The following KCNIP4 variants were observed in gnomAD, a reference collection of about 807,000 sequenced individuals.
KCNIP4 encodes the protein Kv channel-interacting protein 4.
Under a neutral mutation model 34.0 loss-of-function variants are expected in KCNIP4, and 12 were observed. The ratio of observed to expected loss-of-function variants is 0.35; its 90% CI spans 0.23 to 0.57. The LOEUF is 0.57. Among genes scored for constraint, KCNIP4 ranks in the 20% least tolerant of loss-of-function variants. The probability of loss-of-function intolerance (pLI) is 0.83; values close to 1 mark genes in which losing one functional copy is unlikely to be tolerated. For missense variants in KCNIP4, 238 were observed against 311.7 expected (o/e 0.76, Z 1.78); for synonymous variants, 124 against 102.2 (o/e 1.21, Z -1.29).
chr4:21,817,350 G>A (rs1026085855), intron 1 of KCNIP4, among the ~76,000 whole-genome samples: 2 of 152,102 alleles, frequency 1.3e-5, no homozygotes, highest in Non-Finnish European at 1.5e-5. Flanking sequence ...GAGGATATAC[G>A]TCATCTCAGG....
chr4:20,843,154 C>A (rs1244138212), intron 3 of KCNIP4, among the ~76,000 whole-genome samples: 1 of 152,004 alleles, frequency 6.6e-6, no homozygotes, highest in Non-Finnish European at 1.5e-5. Flanking sequence ...GTGATCCAGC[C>A]GCCTAGGCTT....
At chr4:21,713,260 G>A (rs1713884394) in intron 1 of KCNIP4, among the ~76,000 whole-genome samples, 1 of 152,158 alleles carries the variant, frequency 6.6e-6, no homozygotes, top group African/African-American at 2.4e-5. Flanking sequence ...TGTTACTGCT[G>A]CTGTTTCTAC....
chr4:21,575,243 C>T (rs571856251), intron 1 of KCNIP4, among the ~76,000 whole-genome samples: 1 of 152,214 alleles, frequency 6.6e-6, no homozygotes, highest in East Asian at 1.9e-4. Flanking sequence ...GAAGTAAGTA[C>T]ATCAGAGGCT....
intron 1 of KCNIP4, among the ~76,000 whole-genome samples, chr4:20,885,942 G>A (rs1725257149): frequency 6.6e-6 from 1 of 151,948 alleles, no homozygotes; most frequent in Non-Finnish European, 1.5e-5. Flanking sequence ...ATAACTTTTT[G>A]AGGAAAACCT....
At chr4:20,740,433 T>C (rs897252846) in intron 5 of KCNIP4, among the ~76,000 whole-genome samples, 1 of 151,136 alleles carries the variant, frequency 6.6e-6, no homozygotes, top group Non-Finnish European at 1.5e-5. Flanking sequence ...TTCAACACTC[T>C]TACAGAATTT....
At chr4:21,757,183 G>A (rs1168353021) in intron 1 of KCNIP4, among the ~76,000 whole-genome samples, 9 of 29,726 alleles carry the variant, frequency 3.0e-4, no homozygotes, top group African/African-American at 7.7e-4. Flanking sequence ...AGGAAGGAAG[G>A]AAGGAAGGAA....
chr4:21,102,504 T>G (rs918904424), intron 1 of KCNIP4, among the ~76,000 whole-genome samples: 1 of 152,160 alleles, frequency 6.6e-6, no homozygotes, highest in Non-Finnish European at 1.5e-5. Flanking sequence ...TAGAACCATC[T>G]GGAATGCATC....
rs535371386 is a variant in KCNIP4, at chr4:20,910,124, C to T, written c.62-27415G>A. Among the ~76,000 whole-genome samples the T allele has an allele frequency of 3.2e-4, 48 of 152,128 alleles. 1 individual carries two copies. In the South Asian group the frequency reaches 8.7e-3, roughly 28 times the overall value. ...ATCCAGACCTGATGCGTATCTTTTTCGAATGTTTTGCTATAATAATGATTT... is the reference window on the plus strand; with the variant it reads ...ATCCAGACCTGATGCGTATCTTTTTTGAATGTTTTGCTATAATAATGATTT... On this transcript the variant is annotated intron_variant, in intron 1 of 8. Coordinates refer to ENST00000382152, the MANE Select transcript of KCNIP4 (RefSeq NM_025221.6).
At chr4:21,872,595 G>A (rs905060533) in intron 1 of KCNIP4, among the ~76,000 whole-genome samples, 6 of 152,136 alleles carry the variant, frequency 3.9e-5, no homozygotes, top group Non-Finnish European at 7.4e-5. Flanking sequence ...CAGAGAAAAA[G>A]GAGATGCAAA....
rs569242496 is a variant in KCNIP4 at position 20,844,187 on chromosome 4, C to T, written c.288+6356G>A. 5.3e-5 allele frequency among the ~76,000 whole-genome samples: 8 copies of T among 152,278 alleles called. No homozygotes were observed. In the East Asian group the frequency reaches 5.8e-4, roughly 11 times the overall value. On this transcript the variant is annotated intron_variant, in intron 3 of 8. Transcript: ENST00000382152. Reference sequence around the variant, plus strand: ...GCGGTAAGGTTTGAACCCTGGACAGCGCTTGCACTATGTCAGTCTATGGAA... The same window carrying T: ...GCGGTAAGGTTTGAACCCTGGACAGTGCTTGCACTATGTCAGTCTATGGAA...
At chr4:21,129,148 T>C (rs1216472465) in intron 1 of KCNIP4, among the ~76,000 whole-genome samples, 1 of 152,206 alleles carries the variant, frequency 6.6e-6, no homozygotes, top group African/African-American at 2.4e-5. Context: ...GTTTTATAAA[T>C]GGGAGTTCCC....
At chr4:20,916,260 C>T (rs986268051) in intron 1 of KCNIP4, 2 of 931,484 alleles carry the variant, frequency 2.1e-6, no homozygotes, top group Non-Finnish European at 2.6e-6. Flanking sequence ...GAGCTCTCTT[C>T]TCTGACCTCC....
At chr4:21,815,466 T>G (rs1476822050) in intron 1 of KCNIP4, among the ~76,000 whole-genome samples, 2 of 152,036 alleles carry the variant, frequency 1.3e-5, no homozygotes, top group African/African-American at 2.4e-5. Flanking sequence ...TCACTAAAGA[T>G]GATTAAAGGT....
At chr4:21,279,823 A>T (rs1423257061) in intron 1 of KCNIP4, among the ~76,000 whole-genome samples, 1 of 152,062 alleles carries the variant, frequency 6.6e-6, no homozygotes, top group Non-Finnish European at 1.5e-5. Flanking sequence ...TTAACCACTC[A>T]TTATTTCAAA....
At chr4:20,766,912 T>TA (rs1755466047) in intron 3 of KCNIP4, 1 of 150,560 alleles carries the variant, frequency 6.6e-6, no homozygotes, top group Non-Finnish European at 1.5e-5. Flanking sequence ...GGCAAACTGT[T>TA]TAATCTAAGT....
intron 1 of KCNIP4, among the ~76,000 whole-genome samples, chr4:21,276,588 T>C (rs769145515): frequency 6.6e-6 from 1 of 152,134 alleles, no homozygotes; most frequent in Non-Finnish European, 1.5e-5. Context: ...TTGAAGTTGT[T>C]CAACTTGACC....
intron 1 of KCNIP4, among the ~76,000 whole-genome samples, chr4:21,650,674 A>G (rs1203899176): frequency 6.6e-6 from 1 of 152,130 alleles, no homozygotes; most frequent in African/African-American, 2.4e-5. Context: ...TTTACCTAAA[A>G]CTTAGTATCT....
chr4:21,092,271 A>G (rs1206461489), intron 1 of KCNIP4, among the ~76,000 whole-genome samples: 1 of 152,112 alleles, frequency 6.6e-6, no homozygotes, highest in Non-Finnish European at 1.5e-5. Flanking sequence ...GTATTGAGGT[A>G]TTATCCTGAT....
chr4:21,607,578 C>T (rs181424537), intron 1 of KCNIP4, among the ~76,000 whole-genome samples: 30 of 151,838 alleles, frequency 2.0e-4, no homozygotes, highest in Middle Eastern at 3.4e-3. Context: ...GATTTGATCC[C>T]GGGATCTCCC....
Sources: allele counts gnomAD v4.1 joint callset (sites outside exome capture counted in the v4.1 genomes callset), GRCh38; gene constraint gnomAD v4.1.1; transcripts MANE v1.5; gene names NCBI Gene and HGNC (gene_info 2026-07-23, HGNC 2026-07-21).